PRKAG2: variants seen among roughly 807,000 people sequenced by gnomAD.
PRKAG2 encodes the protein 5'-AMP-activated protein kinase subunit gamma-2.
Under a neutral mutation model 69.6 loss-of-function variants are expected in PRKAG2, and 26 were observed. The ratio of observed to expected loss-of-function variants is 0.37; its 90% CI spans 0.27 to 0.52. The LOEUF is 0.52. Among genes scored for constraint, PRKAG2 ranks in the 20% least tolerant of loss-of-function variants. The pLI, the probability that PRKAG2 is intolerant of heterozygous loss-of-function variation, is 0.90. For missense variants in PRKAG2, 557 were observed against 740.0 expected, an observed-to-expected ratio of 0.75 and a Z score of 2.87; for synonymous variants, 293 against 285.0, an observed-to-expected ratio of 1.03 and a Z score of -0.28.
Position 151,850,065 on chromosome 7 carries a change from A to C in PRKAG2, c.114+26442T>G, listed in dbSNP as rs999496593. ...GCTCTGCTGGGCTGCAGGGGGAGCGAGACACACCAGGGAGGCTGAGAACCC... is the reference window on the plus strand; with the variant it reads ...GCTCTGCTGGGCTGCAGGGGGAGCGCGACACACCAGGGAGGCTGAGAACCC... On this transcript the variant is annotated intron_variant, in intron 1 of 15. Coordinates refer to ENST00000287878, the MANE Select transcript of PRKAG2 (RefSeq NM_016203.4). The surrounding 1 kb of genome is among the most constrained non-coding windows in gnomAD (Gnocchi z 4.1). Among the ~76,000 whole-genome samples the C allele has an allele frequency of 2.0e-5, 3 of 152,128 alleles. No homozygotes were observed. Among genetic ancestry groups the C allele is most frequent in the African/African-American group, 7.2e-5 (3 of 41,418 alleles).
At chr7:151,851,201 C>T (rs760804432) in intron 1 of PRKAG2, among the ~76,000 whole-genome samples, 5 of 152,132 alleles carry the variant, frequency 3.3e-5, no homozygotes, top group Non-Finnish European at 7.3e-5. Context: ...TCTGACATTA[C>T]ATTGGTGCCT....
rs920293627 is a variant in PRKAG2, at chr7:151,835,424, G to T, written c.114+41083C>A. Among the ~76,000 whole-genome samples, 3 of 151,798 alleles carry T rather than the reference G, an allele frequency of 2.0e-5. No homozygotes were observed. The highest frequency in any genetic ancestry group is 7.3e-5 in the African/African-American group (3 of 41,310). On this transcript the variant is annotated intron_variant, in intron 1 of 15. Transcript: ENST00000287878. This position sits in a 1 kb window ranked among gnomAD's most constrained non-coding sequence, Gnocchi z 4.1. Reference sequence around the variant, plus strand: ...GCCCAGGCTGGTCTCGAACTCCTTGGCTCAAGTGATCCTCCCACCTCGGCC... The same window carrying T: ...GCCCAGGCTGGTCTCGAACTCCTTGTCTCAAGTGATCCTCCCACCTCGGCC...
chr7:151,579,153 T>C (rs1319029154), intron 6 of PRKAG2, among the ~76,000 whole-genome samples: 1 of 152,172 alleles, frequency 6.6e-6, no homozygotes, highest in Non-Finnish European at 1.5e-5. Flanking sequence ...GCCTTCCAAG[T>C]AGCTGGGACC....
At chr7:151,677,979 C>T (rs1004498265) in intron 3 of PRKAG2, among the ~76,000 whole-genome samples, 1 of 152,136 alleles carries the variant, frequency 6.6e-6, no homozygotes, top group African/African-American at 2.4e-5. Flanking sequence ...CCTAGAGCCA[C>T]CAGTCACTGT....
At position 151,781,538 on chromosome 7, in the gene PRKAG2, T is replaced by G; in HGVS notation, c.187-107A>C. The G allele has an allele frequency of 7.4e-7, 1 of 1,352,222 alleles. No individual in the cohort carries two copies. Among genetic ancestry groups the G allele is most frequent in the Non-Finnish European group, 1.0e-6 (1 of 982,852 alleles). The allele number at this position is 1,352,222 out of a possible 1,614,324, so 83.8% of individuals were successfully genotyped here. A position where few individuals can be genotyped will look rare whatever the true frequency, so the allele number is the denominator to read the frequency against. Reference sequence around the variant, plus strand: ...TCCTCTCTCACATGCGGGCCCCCCATAGTACCCTCCCAGAGAAACAGCCCT... The same window carrying G: ...TCCTCTCTCACATGCGGGCCCCCCAGAGTACCCTCCCAGAGAAACAGCCCT... On this transcript the variant is annotated intron_variant, in intron 2 of 15. Coordinates refer to ENST00000287878, the MANE Select transcript of PRKAG2 (RefSeq NM_016203.4). The surrounding 1 kb of genome is among the most constrained non-coding windows in gnomAD (Gnocchi z 6.1).
rs1807898403 is a variant in PRKAG2 at position 151,572,793 on chromosome 7, G to C, written c.1006-84C>G. 3.4e-6 allele frequency: 3 copies of C among 890,798 alleles called. No homozygotes were observed. The East Asian group carries it at 8.3e-5, about 25-fold the overall frequency. The allele number at this position is 890,798 out of a possible 1,614,324, so 55.2% of individuals were successfully genotyped here. ...GGAAAATGAAACAAAACATAGCTTG[G>C]ATAATAGCATTTTCTATTCGCAATT... is the stretch of plus-strand genomic sequence containing the variant. On this transcript the variant is annotated intron_variant, in intron 8 of 15. Coordinates refer to ENST00000287878, the MANE Select transcript of PRKAG2 (RefSeq NM_016203.4).
intron 3 of PRKAG2, among the ~76,000 whole-genome samples, chr7:151,768,615 T>G (rs10257872): frequency 6.6e-6 from 1 of 152,178 alleles, no homozygotes; most frequent in South Asian, 2.1e-4. Flanking sequence ...TACAGGCACA[T>G]GCCATCATAC....
chr7:151,808,590 GT>G (rs148273464), intron 1 of PRKAG2, among the ~76,000 whole-genome samples: 37,496 of 151,704 alleles, frequency 0.25, 5,092 homozygotes, highest in East Asian at 0.61. Context: ...AGTGCAGGTT[GT>G]TGGGGGGGCT....
At chr7:151,660,305 C>T (rs568833046) in intron 4 of PRKAG2, among the ~76,000 whole-genome samples, 72 of 152,278 alleles carry the variant, frequency 4.7e-4, no homozygotes, top group African/African-American at 1.6e-3. Context: ...CTTCTCAAAC[C>T]CGTAGCTGAG....
intron 5 of PRKAG2, among the ~76,000 whole-genome samples, chr7:151,629,051 C>A (rs925085359): frequency 2.0e-5 from 3 of 152,168 alleles, no homozygotes; most frequent in Non-Finnish European, 4.4e-5. Context: ...AGGGGGCTGG[C>A]ACACTATGCC....
intron 6 of PRKAG2, among the ~76,000 whole-genome samples, chr7:151,577,535 A>G (rs749587056): frequency 5.3e-5 from 8 of 152,242 alleles, no homozygotes; most frequent in Non-Finnish European, 1.0e-4. Context: ...CTATTATAAA[A>G]CCACTGGTGG....
At chr7:151,824,933 G>A (rs921955480) in intron 1 of PRKAG2, among the ~76,000 whole-genome samples, 3 of 152,178 alleles carry the variant, frequency 2.0e-5, no homozygotes, top group African/African-American at 4.8e-5. Context: ...GGTCATCTAG[G>A]CGGGGCACGG....
In PRKAG2 at chr7:151,805,183, G is replaced by A. The variant is rs375397937; in HGVS notation, c.115-18642C>T. On this transcript the variant is annotated intron_variant, in intron 1 of 15. Transcript: ENST00000287878. ...TCTGGGTTAGGTGAGAAGGAACCTC[G>A]CAGTTCCTCCTGGATCTCTTGTAAT... Among the ~76,000 whole-genome samples, 47 of 152,154 alleles carry A rather than the reference G, an allele frequency of 3.1e-4. 1 individual carries two copies. The highest frequency in any genetic ancestry group is 9.2e-4 in the Admixed American group (14 of 15,280).
chr7:151,766,211 C>T (rs1283727846), intron 3 of PRKAG2, among the ~76,000 whole-genome samples: 1 of 152,210 alleles, frequency 6.6e-6, no homozygotes, highest in Admixed American at 6.5e-5. Context: ...CACGAGGACT[C>T]GGCTGGGCTG....
Sources: gnomAD v4.1 joint callset for allele counts (sites outside exome capture counted in the v4.1 genomes callset) on GRCh38, gnomAD v4.1.1 for gene constraint, Gnocchi (gnomAD v3.1) non-coding constraint, MANE v1.5 for transcripts, NCBI Gene and HGNC (gene_info 2026-07-23, HGNC 2026-07-21) for gene names.